RXRA: variants seen among roughly 807,000 people sequenced by gnomAD.
RXRA encodes retinoid X receptor alpha.
Under a neutral mutation model 44.5 loss-of-function variants are expected in RXRA, and 5 were observed. The observed-to-expected ratio is 0.11, with a 90% CI of 0.06 to 0.24. The LOEUF (loss-of-function observed/expected upper bound fraction) is 0.24. Ranked by LOEUF, RXRA falls within the 10% of genes least tolerant of loss-of-function variation. The pLI, the probability that RXRA is intolerant of heterozygous loss-of-function variation, is 1.00. For missense variants in RXRA, 412 were observed against 646.5 expected, an observed-to-expected ratio of 0.64 and a Z score of 3.93; for synonymous variants, 291 against 271.4, an observed-to-expected ratio of 1.07 and a Z score of -0.71.
In RXRA at chr9:134,439,334, C is replaced by A. The variant is rs1271237904; in HGVS notation, c.*2720C>A. 6.6e-6 allele frequency: 1 copy of A among 152,210 alleles called. No homozygotes were observed. The highest frequency in any genetic ancestry group is 2.4e-5 in the African/African-American group (1 of 41,448). The allele number at this position is 152,210 out of a possible 1,614,324, so 9.4% of individuals were successfully genotyped here. ...TTCAGGCACGCTCCTCAGCTGGTCA[C>A]CTCCCGGCTTTGCCGTTCAGATGGG... is the stretch of plus-strand genomic sequence containing the variant. On this transcript the variant is annotated 3_prime_UTR_variant, in exon 10 of 10. Coordinates refer to ENST00000481739, the MANE Select transcript of RXRA (RefSeq NM_002957.6).
At chr9:134,415,517 G>C (rs1296708144) in intron 4 of RXRA, among the ~76,000 whole-genome samples, 1 of 152,142 alleles carries the variant, frequency 6.6e-6, no homozygotes, top group Middle Eastern at 3.2e-3. Flanking sequence ...GCTGGTGCCT[G>C]TGAGTACCCC....
chr9:134,431,609 G>A (rs564578394), intron 7 of RXRA, among the ~76,000 whole-genome samples: 85 of 152,298 alleles, frequency 5.6e-4, no homozygotes, highest in Middle Eastern at 3.4e-3. Flanking sequence ...TAGCTGTCAC[G>A]AGGCCCCTCC....
At chr9:134,424,430 C>T in intron 6 of RXRA, 1 of 985,462 alleles carries the variant, frequency 1.0e-6, no homozygotes, top group Non-Finnish European at 1.2e-6. Flanking sequence ...GAGGTCCTTG[C>T]TGACCTGTCT....
intron 1 of RXRA, among the ~76,000 whole-genome samples, chr9:134,400,209 C>T (rs777256852): frequency 6.6e-6 from 1 of 152,164 alleles, no homozygotes; most frequent in African/African-American, 2.4e-5. Flanking sequence ...AGAGGCCTGG[C>T]CCAGGGCTTC....
intron 1 of RXRA, among the ~76,000 whole-genome samples, chr9:134,379,104 G>T (rs976105555): frequency 6.6e-6 from 1 of 152,210 alleles, no homozygotes; most frequent in Admixed American, 6.5e-5. Context: ...AGCCCAGCCT[G>T]TGGGGCCACC....
At chr9:134,336,052 C>G (rs1404881385) in intron 1 of RXRA, among the ~76,000 whole-genome samples, 1 of 152,164 alleles carries the variant, frequency 6.6e-6, no homozygotes, top group African/African-American at 2.4e-5. Context: ...CCTACCCCAC[C>G]CCTTCATGGA....
intron 4 of RXRA, among the ~76,000 whole-genome samples, chr9:134,416,726 T>C (rs1831241636): frequency 6.6e-5 from 10 of 152,066 alleles, no homozygotes; most frequent in Admixed American, 6.5e-4. Flanking sequence ...GAGCGTGCTC[T>C]GCTCTGCTTC....
At position 134,438,699 on chromosome 9, in the gene RXRA, A is replaced by G. The variant is rs34963329; in HGVS notation, c.*2085A>G. On this transcript the variant is annotated 3_prime_UTR_variant, in exon 10 of 10. Transcript: ENST00000481739. ...GTGGGAGTGCAAAAGACCCAACGCC[A>G]ACACCTGGTGCCTTCTGCAGCCAGC... The G allele has an allele frequency of 0.022, 3,351 of 153,282 alleles. 67 individuals carry two copies. The highest frequency in any genetic ancestry group is 0.049 in the Admixed American group (751 of 15,314). The allele number at this position is 153,282 out of a possible 1,614,324, so 9.5% of individuals were successfully genotyped here.
At chr9:134,422,113 T>G in intron 6 of RXRA, 10 of 1,230,454 alleles carry the variant, frequency 8.1e-6, no homozygotes, top group East Asian at 6.1e-5. Flanking sequence ...GACACACTTC[T>G]ACCTCCCGGG....
chr9:134,346,801 C>G (rs1554748866), intron 1 of RXRA, among the ~76,000 whole-genome samples: 1 of 152,232 alleles, frequency 6.6e-6, no homozygotes, highest in African/African-American at 2.4e-5. Context: ...AGGGAGGGTC[C>G]TCCTGGAGGC....
chr9:134,378,584 A>G (rs549022782), intron 1 of RXRA, among the ~76,000 whole-genome samples: 1 of 152,306 alleles, frequency 6.6e-6, no homozygotes, highest in Non-Finnish European at 1.5e-5. Context: ...AAGGAGCAGT[A>G]CCTGGGGAAG....
chr9:134,333,293 G>A (rs1835034347), intron 1 of RXRA, among the ~76,000 whole-genome samples: 1 of 152,202 alleles, frequency 6.6e-6, no homozygotes, highest in African/African-American at 2.4e-5. Context: ...GGCACTGCCT[G>A]CTGGGGTGAG....
intron 1 of RXRA, among the ~76,000 whole-genome samples, chr9:134,355,222 T>C (rs1380963196): frequency 1.3e-5 from 2 of 152,226 alleles, no homozygotes; most frequent in African/African-American, 2.4e-5. Flanking sequence ...GAAGCTGTGC[T>C]GTGGGTGCCA....
intron 1 of RXRA, among the ~76,000 whole-genome samples, chr9:134,388,212 G>GGTA (rs1453203299): frequency 6.6e-6 from 1 of 152,012 alleles, no homozygotes; most frequent in African/African-American, 2.4e-5. Flanking sequence ...CTTCCGTCAG[G>GGTA]GGTCCTAGGC....
intron 6 of RXRA, chr9:134,427,220 G>A: frequency 1.0e-6 from 1 of 968,772 alleles, no homozygotes; most frequent in South Asian, 4.8e-5. Context: ...TGGCTGGGCA[G>A]TGTGGAAGCT....
At chr9:134,350,835 G>A (rs911010389) in intron 1 of RXRA, among the ~76,000 whole-genome samples, 1 of 152,350 alleles carries the variant, frequency 6.6e-6, no homozygotes, top group Non-Finnish European at 1.5e-5. Flanking sequence ...GAGCGGCTGA[G>A]CCTGGGGCCG....
chr9:134,339,071 C>A (rs1490154094), intron 1 of RXRA, among the ~76,000 whole-genome samples: 2 of 152,184 alleles, frequency 1.3e-5, no homozygotes, highest in Non-Finnish European at 2.9e-5. Flanking sequence ...GGTCGCCGGC[C>A]GTGTGCCTGG....
At chr9:134,408,705 TG>T (rs1301785177) in intron 3 of RXRA, among the ~76,000 whole-genome samples, 1 of 152,200 alleles carries the variant, frequency 6.6e-6, no homozygotes. Context: ...GTGACTTGCC[TG>T]GGGCCCTGGT....
At chr9:134,405,400 C>G (rs1831034162) in intron 2 of RXRA, 1 of 152,306 alleles carries the variant, frequency 6.6e-6, no homozygotes, top group South Asian at 2.1e-4. Flanking sequence ...GCCAGACCCT[C>G]TGATATCACT....
Sources: gnomAD v4.1 joint callset for allele counts (sites outside exome capture counted in the v4.1 genomes callset) on GRCh38, gnomAD v4.1.1 for gene constraint, MANE v1.5 for transcripts, NCBI Gene and HGNC (gene_info 2026-07-23, HGNC 2026-07-21) for gene names.